Variants in PLXDC2 observed in about 807,000 individuals in gnomAD.
PLXDC2 encodes plexin domain containing 2, also known as plexin domain-containing protein 2.
PLXDC2 carries 40 observed loss-of-function variants against 68.9 expected under a neutral mutation model. That is an observed-to-expected ratio of 0.58 (90% CI 0.45 to 0.76). The LOEUF (loss-of-function observed/expected upper bound fraction) is 0.76. PLXDC2 is among the 30% of genes least tolerant of loss of function. PLXDC2 has a pLI of 0.00. For synonymous variants in PLXDC2, 243 were observed against 234.2 expected (o/e 1.04, Z -0.34); for missense variants, 644 against 661.9 (o/e 0.97, Z 0.30).
Position 19,894,283 on chromosome 10 carries a change from T to C in PLXDC2, c.112+77092T>C, listed in dbSNP as rs1838017464. ...ACAAAAAACTGATGTTTTCCTTTTT[T>C]TTTTTTTATTAGCACAATCCTAGGA... On this transcript the variant is annotated intron_variant, in intron 1 of 13. Transcript: ENST00000377252. Among the ~76,000 whole-genome samples the C allele has an allele frequency of 2.0e-5, 3 of 152,102 alleles. No homozygotes were observed. In the South Asian group the frequency reaches 6.2e-4, roughly 32 times the overall value.
chr10:19,966,973 C>T (rs996911061), intron 1 of PLXDC2, among the ~76,000 whole-genome samples: 4 of 152,154 alleles, frequency 2.6e-5, no homozygotes, highest in African/African-American at 9.6e-5. Context: ...GAAAGGTCTG[C>T]CCAGACGTAA....
chr10:19,836,855 A>G (rs576921477), intron 1 of PLXDC2, among the ~76,000 whole-genome samples: 20 of 152,332 alleles, frequency 1.3e-4, no homozygotes, highest in African/African-American at 4.3e-4. Flanking sequence ...CACTGTAATT[A>G]ATTTTATGGC....
chr10:20,044,142 C>CCT (rs2131679321), intron 2 of PLXDC2, among the ~76,000 whole-genome samples: 1 of 34,230 alleles, frequency 2.9e-5, no homozygotes, highest in African/African-American at 6.5e-5. Flanking sequence ...CTCCCTCTCT[C>CCT]TCTTTTTCCT....
intron 1 of PLXDC2, among the ~76,000 whole-genome samples, chr10:19,819,593 T>C (rs1469213226): frequency 6.6e-6 from 1 of 152,266 alleles, no homozygotes; most frequent in African/African-American, 2.4e-5. Flanking sequence ...CATTTTATTA[T>C]GCGTTACTTT....
chr10:19,880,785 C>T (rs1268535417), intron 1 of PLXDC2, among the ~76,000 whole-genome samples: 1 of 152,150 alleles, frequency 6.6e-6, no homozygotes, highest in Non-Finnish European at 1.5e-5. Context: ...TTATTACCCC[C>T]AGAATGTTTA....
chr10:19,985,302 T>C (rs1834617170), intron 1 of PLXDC2, among the ~76,000 whole-genome samples: 1 of 152,238 alleles, frequency 6.6e-6, no homozygotes, highest in Non-Finnish European at 1.5e-5. Flanking sequence ...TTTCTACCTG[T>C]TGAAATATTA....
chr10:20,117,311 G>A (rs2460583), intron 4 of PLXDC2, among the ~76,000 whole-genome samples: 54,452 of 152,028 alleles, frequency 0.36, 11,282 homozygotes, highest in Non-Finnish European at 0.48. Flanking sequence ...ATGGATTGGG[G>A]AATTCAAAAT....
chr10:19,936,156 T>G (rs1432693808), intron 1 of PLXDC2, among the ~76,000 whole-genome samples: 3 of 152,240 alleles, frequency 2.0e-5, no homozygotes, highest in African/African-American at 4.8e-5. Flanking sequence ...TGATATATTT[T>G]CACTGGGTAA....
At chr10:19,819,176 TA>T (rs1172036411) in intron 1 of PLXDC2, among the ~76,000 whole-genome samples, 2 of 152,188 alleles carry the variant, frequency 1.3e-5, no homozygotes, top group Non-Finnish European at 2.9e-5. Context: ...ATAAAATACT[TA>T]AAATGTTCAA....
intron 1 of PLXDC2, among the ~76,000 whole-genome samples, chr10:19,988,980 G>A (rs975333710): frequency 6.6e-6 from 1 of 151,510 alleles, no homozygotes; most frequent in South Asian, 2.1e-4. Context: ...ACTTTTAGTA[G>A]AGATGAAATT....
intron 1 of PLXDC2, among the ~76,000 whole-genome samples, chr10:19,821,600 G>T (rs1836467953): frequency 6.6e-6 from 1 of 152,176 alleles, no homozygotes; most frequent in Non-Finnish European, 1.5e-5. Flanking sequence ...GCAATAAATG[G>T]TTGTTGGACT....
chr10:20,237,133 T>C (rs915619325), intron 12 of PLXDC2, among the ~76,000 whole-genome samples: 23 of 152,170 alleles, frequency 1.5e-4, no homozygotes, highest in Admixed American at 8.5e-4. Flanking sequence ...TTGCCAGATA[T>C]TGGTCTCACC....
intron 11 of PLXDC2, among the ~76,000 whole-genome samples, chr10:20,218,715 T>C (rs927115998): frequency 6.6e-6 from 1 of 152,108 alleles, no homozygotes; most frequent in African/African-American, 2.4e-5. Flanking sequence ...TTTTTTAAAA[T>C]GAATAAATAA....
chr10:19,943,551 A>G (rs1833853069), intron 1 of PLXDC2, among the ~76,000 whole-genome samples: 1 of 152,204 alleles, frequency 6.6e-6, no homozygotes, highest in Non-Finnish European at 1.5e-5. Context: ...GCTTTAATTT[A>G]TTGGTCAAGA....
At chr10:20,014,253 C>T (rs1229905420) in intron 2 of PLXDC2, among the ~76,000 whole-genome samples, 2 of 138,590 alleles carry the variant, frequency 1.4e-5, no homozygotes, top group Non-Finnish European at 3.1e-5. Flanking sequence ...TCCTTCCTCT[C>T]TCCCTCTCTC....
intron 3 of PLXDC2, among the ~76,000 whole-genome samples, chr10:20,055,088 CTCTG>C (rs553871183): frequency 6.6e-4 from 101 of 152,118 alleles, no homozygotes; most frequent in African/African-American, 2.1e-3. Flanking sequence ...AAGTGTTGTT[CTCTG>C]TCTATCTCAC....
chr10:20,103,958 A>C (rs548312633), intron 4 of PLXDC2, among the ~76,000 whole-genome samples: 1 of 152,190 alleles, frequency 6.6e-6, no homozygotes, highest in Non-Finnish European at 1.5e-5. Flanking sequence ...ATCTTTTATA[A>C]GATATAATTG....
chr10:19,905,214 G>A (rs1353802212), intron 1 of PLXDC2, among the ~76,000 whole-genome samples: 1 of 152,170 alleles, frequency 6.6e-6, no homozygotes, highest in Non-Finnish European at 1.5e-5. Context: ...TTTAATTGGT[G>A]TATGAATGGG....
intron 12 of PLXDC2, among the ~76,000 whole-genome samples, chr10:20,224,136 G>A (rs1835255739): frequency 6.6e-6 from 1 of 151,940 alleles, no homozygotes; most frequent in Non-Finnish European, 1.5e-5. Flanking sequence ...ACCATGCCCG[G>A]CTAATTTTTG....
Sources: allele counts gnomAD v4.1 joint callset (sites outside exome capture counted in the v4.1 genomes callset), GRCh38; gene constraint gnomAD v4.1.1; transcripts MANE v1.5; gene names NCBI Gene and HGNC (gene_info 2026-07-23, HGNC 2026-07-21).